Variants in CADM2 observed in about 807,000 individuals in gnomAD.
CADM2 encodes cell adhesion molecule 2, also known as immunoglobulin superfamily member 4D.
Under a neutral mutation model 49.8 loss-of-function variants are expected in CADM2, and 12 were observed. The observed-to-expected ratio is 0.24, with a 90% CI of 0.15 to 0.39. CADM2 has a LOEUF of 0.39. Ranked by LOEUF, CADM2 falls within the 10% of genes least tolerant of loss-of-function variation. The probability of loss-of-function intolerance (pLI) is 1.00; values close to 1 mark genes in which losing one functional copy is unlikely to be tolerated. For missense variants in CADM2, 378 were observed against 492.3 expected, an observed-to-expected ratio of 0.77 and a Z score of 2.20; for synonymous variants, 214 against 175.4, an observed-to-expected ratio of 1.22 and a Z score of -1.74.
chr3:85,605,000 T>C (rs2063507554), intron 1 of CADM2, among the ~76,000 whole-genome samples: 1 of 152,050 alleles, frequency 6.6e-6, no homozygotes, highest in African/African-American at 2.4e-5. Flanking sequence ...TATTGACAAA[T>C]ACTACATCAT....
At chr3:85,601,244 T>C (rs545647693) in intron 1 of CADM2, among the ~76,000 whole-genome samples, 1 of 147,684 alleles carries the variant, frequency 6.8e-6, no homozygotes, top group Non-Finnish European at 1.5e-5. Context: ...TGTGTGATGA[T>C]GTTTGCTATA....
intron 1 of CADM2, among the ~76,000 whole-genome samples, chr3:85,718,915 ATTATTATT>A (rs1374995412): frequency 6.8e-6 from 1 of 146,370 alleles, no homozygotes; most frequent in Non-Finnish European, 1.5e-5. Flanking sequence ...TATTATTATT[ATTATTATT>A]ATTTTGAGAC....
At chr3:85,679,714 G>T (rs1011696103) in intron 1 of CADM2, among the ~76,000 whole-genome samples, 1 of 152,146 alleles carries the variant, frequency 6.6e-6, no homozygotes, top group South Asian at 2.1e-4. Context: ...GGCAGTCACC[G>T]TGTCTGCAGG....
chr3:85,491,754 A>G (rs2039683189), intron 1 of CADM2, among the ~76,000 whole-genome samples: 1 of 151,964 alleles, frequency 6.6e-6, no homozygotes, highest in Admixed American at 6.6e-5. Context: ...GATCGAGACC[A>G]TCCTTGCTGA....
intron 1 of CADM2, among the ~76,000 whole-genome samples, chr3:85,530,835 T>C (rs773417166): frequency 6.6e-6 from 1 of 150,684 alleles, no homozygotes; most frequent in Non-Finnish European, 1.5e-5. Context: ...TAAAATTATG[T>C]GGTCTTCAAA....
intron 1 of CADM2, among the ~76,000 whole-genome samples, chr3:85,071,536 C>A (rs1306790316): frequency 6.6e-6 from 1 of 152,016 alleles, no homozygotes; most frequent in Non-Finnish European, 1.5e-5. Flanking sequence ...ATATTCTCTT[C>A]AAAAAATACA....
intron 1 of CADM2, among the ~76,000 whole-genome samples, chr3:85,162,393 A>G (rs1392753828): frequency 6.6e-6 from 1 of 152,194 alleles, no homozygotes; most frequent in Non-Finnish European, 1.5e-5. Context: ...GGCTTTTTAT[A>G]TCAACAAGCA....
intron 1 of CADM2, among the ~76,000 whole-genome samples, chr3:85,245,486 T>TG (rs1387685634): frequency 1.3e-5 from 2 of 151,008 alleles, no homozygotes; most frequent in Non-Finnish European, 2.9e-5. Flanking sequence ...CACTCCAGCC[T>TG]GGCGACAGAT....
At chr3:85,243,145 A>C (rs2042568893) in intron 1 of CADM2, among the ~76,000 whole-genome samples, 1 of 151,882 alleles carries the variant, frequency 6.6e-6, no homozygotes, top group Non-Finnish European at 1.5e-5. Flanking sequence ...TATTAAATGG[A>C]AAGTTTTCAT....
At chr3:85,547,543 C>T (rs1389229219) in intron 1 of CADM2, among the ~76,000 whole-genome samples, 1 of 152,154 alleles carries the variant, frequency 6.6e-6, no homozygotes, top group Non-Finnish European at 1.5e-5. Context: ...CTGCTGTCAA[C>T]TACAAAACTA....
intron 1 of CADM2, among the ~76,000 whole-genome samples, chr3:85,225,743 T>C (rs563261709): frequency 4.5e-4 from 68 of 152,356 alleles, no homozygotes; most frequent in Admixed American, 9.8e-4. Flanking sequence ...TGGTCTGTCA[T>C]AAATAGCTCT....
chr3:85,928,158 ATTTTTTTTT>A (rs11328574), intron 6 of CADM2, among the ~76,000 whole-genome samples: 1 of 130,638 alleles, frequency 7.7e-6, no homozygotes, highest in Non-Finnish European at 1.6e-5. Flanking sequence ...TAAAAGAAGA[ATTTTTTTTT>A]TTTTTTTTTT....
At chr3:85,810,783 G>A (rs916928309) in intron 3 of CADM2, among the ~76,000 whole-genome samples, 6 of 151,746 alleles carry the variant, frequency 4.0e-5, no homozygotes, top group Non-Finnish European at 7.4e-5. Context: ...CAAGAGATCC[G>A]CCTGCCTCAG....
Position 86,013,671 on chromosome 3 carries a change from G to C in CADM2, c.971-51934G>C, listed in dbSNP as rs1731833692. 3 of 1,602,312 alleles carry C rather than the reference G, an allele frequency of 1.9e-6. No homozygotes were observed. In the Admixed American group the frequency reaches 5.0e-5, roughly 27 times the overall value. On this transcript the variant is annotated intron_variant, in intron 8 of 9. Transcript: ENST00000383699. ...CATAGCAGGGGAAGAGCACCTAACT[G>C]TGTTGGTGGGGTTTGTTGATGAATC... is the stretch of plus-strand genomic sequence containing the variant.
At chr3:85,459,984 T>A (rs2038167048) in intron 1 of CADM2, among the ~76,000 whole-genome samples, 1 of 152,208 alleles carries the variant, frequency 6.6e-6, no homozygotes, top group Non-Finnish European at 1.5e-5. Context: ...TAAAGAGATT[T>A]CTTAATCAAA....
rs572107810 is a variant in CADM2 at position 86,017,723 on chromosome 3, G to A, written c.971-47882G>A. ...AGCTTGGGCGACACCAGGAGACCCT[G>A]TCTCCAAAAAAAAAAAAAGAAAGAA... is the stretch of plus-strand genomic sequence containing the variant. On this transcript the variant is annotated intron_variant, in intron 8 of 9. Coordinates refer to ENST00000383699, the MANE Select transcript of CADM2 (RefSeq NM_001167675.2). 6.8e-5 allele frequency among the ~76,000 whole-genome samples: 10 copies of A among 146,768 alleles called. No individual in the cohort carries two copies. In the South Asian group the frequency reaches 1.9e-3, roughly 28 times the overall value.
intron 1 of CADM2, among the ~76,000 whole-genome samples, chr3:85,054,696 C>T (rs1029300922): frequency 6.6e-6 from 1 of 151,848 alleles, no homozygotes; most frequent in Non-Finnish European, 1.5e-5. Flanking sequence ...GGTTAGAATC[C>T]AGCTAGAAGA....
intron 2 of CADM2, among the ~76,000 whole-genome samples, chr3:85,751,768 G>A (rs1215366452): frequency 6.6e-6 from 1 of 152,046 alleles, no homozygotes; most frequent in Non-Finnish European, 1.5e-5. Flanking sequence ...AATTATCCAG[G>A]CATATGCTTA....
chr3:85,362,178 A>G (rs1480007850), intron 1 of CADM2, among the ~76,000 whole-genome samples: 1 of 152,158 alleles, frequency 6.6e-6, no homozygotes, highest in Admixed American at 6.6e-5. Flanking sequence ...CAGTAATTAC[A>G]TTTCACCTTC....
Sources: gnomAD v4.1 joint callset for allele counts (sites outside exome capture counted in the v4.1 genomes callset) on GRCh38, gnomAD v4.1.1 for gene constraint, MANE v1.5 for transcripts, NCBI Gene and HGNC (gene_info 2026-07-23, HGNC 2026-07-21) for gene names.